Variants in DOCK1 observed in about 807,000 individuals in gnomAD.
The protein encoded by DOCK1 is dedicator of cytokinesis protein 1.
Under a neutral mutation model 262.7 loss-of-function variants are expected in DOCK1, and 138 were observed. The observed-to-expected ratio is 0.53, with a 90% CI of 0.46 to 0.61. The LOEUF (loss-of-function observed/expected upper bound fraction) is 0.61. DOCK1 is among the 20% of genes least tolerant of loss of function. The probability of loss-of-function intolerance (pLI) is 0.00; values close to 1 mark genes in which losing one functional copy is unlikely to be tolerated. For synonymous variants in DOCK1, 866 were observed against 867.4 expected (o/e 1.00, Z 0.03); for missense variants, 1,908 against 2,370.7 (o/e 0.80, Z 4.05).
intron 1 of DOCK1, among the ~76,000 whole-genome samples, chr10:126,920,809 C>T (rs1395302194): frequency 6.6e-6 from 1 of 152,198 alleles, no homozygotes; most frequent in African/African-American, 2.4e-5. Flanking sequence ...TTCACATAGG[C>T]TGGTCCGAGT....
intron 3 of DOCK1, among the ~76,000 whole-genome samples, chr10:126,978,708 C>T (rs192340829): frequency 8.5e-5 from 13 of 152,222 alleles, no homozygotes; most frequent in African/African-American, 1.4e-4. Flanking sequence ...ATGTTTGACC[C>T]GATGTGTTTT....
intron 29 of DOCK1, among the ~76,000 whole-genome samples, chr10:127,328,633 CGAGAGGGATGGCAGGGAT>C (rs1050404507): frequency 2.0e-5 from 3 of 151,882 alleles, no homozygotes; most frequent in African/African-American, 7.3e-5. Flanking sequence ...ACGGCAGGGA[CGAGAGGGATGGCAGGGAT>C]GGCAGGGAGG....
intron 27 of DOCK1, among the ~76,000 whole-genome samples, chr10:127,177,465 A>C (rs1051863229): frequency 6.6e-6 from 1 of 152,264 alleles, no homozygotes; most frequent in African/African-American, 2.4e-5. Context: ...AATAGAGTTA[A>C]GTGTGTTGTT....
At chr10:126,918,914 G>A (rs61875476) in intron 1 of DOCK1, among the ~76,000 whole-genome samples, 23,803 of 141,474 alleles carry the variant, frequency 0.17, 3,238 homozygotes, top group African/African-American at 0.4. Flanking sequence ...AGGTGGGCAC[G>A]GAGGATTTGG....
In DOCK1 at chr10:127,100,728, G is replaced by A. The variant is rs150961894; in HGVS notation, c.2446-5503G>A. On this transcript the variant is annotated intron_variant, in intron 23 of 51. Coordinates refer to ENST00000623213, the MANE Select transcript of DOCK1 (RefSeq NM_001290223.2). This position sits in a 1 kb window ranked among gnomAD's most constrained non-coding sequence, Gnocchi z 5.5. ...GCCACCCTGGGAGTGAGGGCCACGC[G>A]TGCCCCAGAGGTGAGGTGGCCAAAG... is the stretch of plus-strand genomic sequence containing the variant. 1.1e-4 allele frequency among the ~76,000 whole-genome samples: 16 copies of A among 152,118 alleles called. No individual in the cohort carries two copies. The East Asian group carries it at 2.5e-3, about 24-fold the overall frequency.
chr10:127,363,280 C>T (rs1246232091), intron 33 of DOCK1, among the ~76,000 whole-genome samples: 1 of 152,076 alleles, frequency 6.6e-6, no homozygotes, highest in Non-Finnish European at 1.5e-5. Context: ...GAGGCCAAGG[C>T]AGGCAGATCA....
chr10:127,128,564 C>T (rs756707354), intron 27 of DOCK1, among the ~76,000 whole-genome samples: 9 of 151,988 alleles, frequency 5.9e-5, no homozygotes, highest in Non-Finnish European at 1.2e-4. Flanking sequence ...CAGCAGGCCC[C>T]GGTGTGTGTG....
At chr10:126,984,368 G>T (rs750534961) in intron 4 of DOCK1, among the ~76,000 whole-genome samples, 30 of 152,102 alleles carry the variant, frequency 2.0e-4, no homozygotes, top group Non-Finnish European at 3.5e-4. Flanking sequence ...TATTTTATGA[G>T]ATGGAGTCTT....
At chr10:126,982,733 T>C (rs539665181) in intron 4 of DOCK1, among the ~76,000 whole-genome samples, 8 of 152,292 alleles carry the variant, frequency 5.3e-5, no homozygotes, top group Middle Eastern at 6.8e-3. Flanking sequence ...TGATGCATAC[T>C]TAAAATGAAG....
intron 10 of DOCK1, chr10:127,007,538 C>T (rs532635096): frequency 6.6e-6 from 1 of 152,254 alleles, no homozygotes; most frequent in East Asian, 1.9e-4. Flanking sequence ...GGAAAGTGAC[C>T]CGGGCCATCT....
intron 6 of DOCK1, among the ~76,000 whole-genome samples, chr10:126,994,971 G>A (rs1471682953): frequency 2.0e-5 from 3 of 151,098 alleles, no homozygotes; most frequent in African/African-American, 7.3e-5. Flanking sequence ...AGATGGGGCG[G>A]CCCGTCAGAG....
chr10:127,217,527 C>A (rs1017404621), intron 27 of DOCK1, among the ~76,000 whole-genome samples: 1 of 152,114 alleles, frequency 6.6e-6, no homozygotes, highest in Non-Finnish European at 1.5e-5. Flanking sequence ...TCTTTATTTT[C>A]AGTTATTAAA....
At chr10:127,335,173 G>A (rs1786309942) in intron 29 of DOCK1, among the ~76,000 whole-genome samples, 1 of 152,174 alleles carries the variant, frequency 6.6e-6, no homozygotes, top group Non-Finnish European at 1.5e-5. Context: ...GGACACTTAG[G>A]TGAACAAGCA....
chr10:126,987,497 T>C, intron 4 of DOCK1, 24 bp from the exon 5 acceptor site: 1 of 1,558,416 alleles, frequency 6.4e-7, no homozygotes, highest in Non-Finnish European at 8.7e-7. Context: ...TGGACTCAGC[T>C]GCTCTTTCCT....
intron 28 of DOCK1, among the ~76,000 whole-genome samples, chr10:127,249,322 A>G (rs2059537519): frequency 6.6e-6 from 1 of 151,906 alleles, no homozygotes; most frequent in Admixed American, 6.6e-5. Flanking sequence ...TATGTATTAG[A>G]AATGATCCTT....
intron 35 of DOCK1, 89 bp from the exon 36 acceptor site, chr10:127,379,993 C>T: frequency 2.2e-6 from 2 of 920,174 alleles, no homozygotes; most frequent in Non-Finnish European, 3.4e-6. Context: ...GTGTTTGACA[C>T]AAGATGAAGT....
At chr10:127,015,452 T>C (rs552655680) in intron 12 of DOCK1, among the ~76,000 whole-genome samples, 31 of 152,174 alleles carry the variant, frequency 2.0e-4, no homozygotes, top group Non-Finnish European at 2.9e-4. Context: ...CTCTGTCCCC[T>C]TGTGAGCTCT....
At chr10:127,286,179 AT>A (rs200909293) in intron 29 of DOCK1, among the ~76,000 whole-genome samples, 1 of 151,568 alleles carries the variant, frequency 6.6e-6, no homozygotes, top group African/African-American at 2.4e-5. Flanking sequence ...ATCTGTGGTC[AT>A]TTTTTTTCTG....
chr10:126,993,512 A>AAGGAGTAGTATTTGGG (rs1229147272), intron 6 of DOCK1, among the ~76,000 whole-genome samples: 3 of 152,324 alleles, frequency 2.0e-5, no homozygotes, highest in African/African-American at 7.2e-5. Flanking sequence ...GGGATAGGAT[A>AAGGAGTAGTATTTGGG]AGGAGTAGTA....
Sources: gnomAD v4.1 joint callset for allele counts (sites outside exome capture counted in the v4.1 genomes callset) on GRCh38, gnomAD v4.1.1 for gene constraint, Gnocchi (gnomAD v3.1) non-coding constraint, MANE v1.5 for transcripts, NCBI Gene and HGNC (gene_info 2026-07-23, HGNC 2026-07-21) for gene names.